Variants in TDRD7 observed in about 807,000 individuals in gnomAD.
TDRD7 encodes tudor domain containing 7.
TDRD7 carries 47 observed loss-of-function variants against 109.8 expected under a neutral mutation model. That is an observed-to-expected ratio of 0.43 (90% confidence interval 0.34 to 0.55). TDRD7 has a LOEUF of 0.55. Among genes scored for constraint, TDRD7 ranks in the 20% least tolerant of loss-of-function variants. The pLI is 0.03. For synonymous variants in TDRD7, 424 were observed against 457.3 expected (o/e 0.93, Z 0.93); for missense variants, 1,164 against 1,319.2 (o/e 0.88, Z 1.82).
At chr9:97,436,046 C>G (rs1828190705) in intron 4 of TDRD7, among the ~76,000 whole-genome samples, 1 of 152,052 alleles carries the variant, frequency 6.6e-6, no homozygotes, top group South Asian at 2.1e-4. Context: ...CTCAAGAGTT[C>G]CGGTTAAGAA....
At chr9:97,417,769 GTTAGCAACTTTACTATTGAAATA>G (rs1827834867) in intron 1 of TDRD7, among the ~76,000 whole-genome samples, 1 of 152,204 alleles carries the variant, frequency 6.6e-6, no homozygotes, top group East Asian at 1.9e-4. Flanking sequence ...ATGGCCAGGT[GTTAGCAACTTTACTATTGAAATA>G]TTTTAAAGTA....
intron 4 of TDRD7, 94 bp from the exon 5 acceptor site, chr9:97,439,151 C>T: frequency 1.2e-6 from 1 of 854,104 alleles, no homozygotes; most frequent in South Asian, 2.1e-5. Flanking sequence ...TGTTAAATGC[C>T]ACTGAGACTT....
intron 6 of TDRD7, among the ~76,000 whole-genome samples, chr9:97,459,383 T>G (rs1828670552): frequency 1.3e-5 from 2 of 152,248 alleles, no homozygotes; most frequent in Non-Finnish European, 2.9e-5. Flanking sequence ...AAAATCATTT[T>G]TTAGCCCATG....
At chr9:97,468,731 C>T (rs973874173) in intron 8 of TDRD7, among the ~76,000 whole-genome samples, 2 of 152,332 alleles carry the variant, frequency 1.3e-5, no homozygotes, top group Non-Finnish European at 2.9e-5. Flanking sequence ...AGGCCCACAT[C>T]CCAGGGGAGT....
Position 97,441,723 on chromosome 9 carries a change from G to T in TDRD7, c.703G>T (p.Asp235Tyr). ...KPPASYTYKM[D>Y]EVQNRIKEIL... ...TCCTGCCTCTTACACTTATAAAATG[G>T]ATGAGGTTCAAAATCGCATAAAGGA... Residue 235 changes from aspartate to tyrosine, a missense_variant, in exon 6 of 17, where the codon GAT (aspartate) becomes TAT (tyrosine). Transcript: ENST00000355295. 6.2e-7 allele frequency: 1 copy of T among 1,613,528 alleles called. No homozygotes were observed. Among genetic ancestry groups the T allele is most frequent in the Non-Finnish European group, 8.5e-7 (1 of 1,179,848 alleles).
chr9:97,494,618 TG>T (rs1157979113), intron 16 of TDRD7, among the ~76,000 whole-genome samples: 2 of 151,746 alleles, frequency 1.3e-5, no homozygotes, highest in Non-Finnish European at 2.9e-5. Context: ...TTAATTACTT[TG>T]GGGCATAATT....
At chr9:97,484,066 T>G (rs1227161606) in intron 15 of TDRD7, among the ~76,000 whole-genome samples, 4 of 152,190 alleles carry the variant, frequency 2.6e-5, no homozygotes, top group African/African-American at 9.7e-5. Context: ...ACGGGATAGA[T>G]TCCTAGAAGA....
At chr9:97,455,992 C>T (rs1356037595) in intron 6 of TDRD7, among the ~76,000 whole-genome samples, 2 of 152,092 alleles carry the variant, frequency 1.3e-5, no homozygotes, top group African/African-American at 2.4e-5. Flanking sequence ...GATACAAAAC[C>T]AACATGCAAA....
In TDRD7 at chr9:97,482,176, A is replaced by G. The variant is rs144763751; in HGVS notation, c.2413-673A>G. 9.6e-3 allele frequency among the ~76,000 whole-genome samples: 1,469 copies of G among 152,358 alleles called. 7 individuals are homozygous for G. Among genetic ancestry groups the G allele is most frequent in the Non-Finnish European group, 0.014 (982 of 68,034 alleles). The stretch of plus-strand genomic sequence containing the variant: ...GCCGAAAGAGCAAAGATGGTTAGGT[A>G]GTCAGAGGTCTCCTGGACAAAAAGT... On this transcript the variant is annotated intron_variant, in intron 14 of 16. Transcript: ENST00000355295.
At chr9:97,426,077 AC>A (rs1167134525) in intron 1 of TDRD7, among the ~76,000 whole-genome samples, 1 of 152,192 alleles carries the variant, frequency 6.6e-6, no homozygotes, top group East Asian at 1.9e-4. Context: ...AAAATGGCAT[AC>A]CTATATAGGT....
At chr9:97,481,413 T>A (rs571194656) in intron 14 of TDRD7, among the ~76,000 whole-genome samples, 13 of 152,366 alleles carry the variant, frequency 8.5e-5, no homozygotes, top group African/African-American at 2.6e-4. Context: ...CCATACTTAT[T>A]TCACTAGCTC....
chr9:97,491,966 C>G (rs139246094), intron 16 of TDRD7, among the ~76,000 whole-genome samples: 1 of 152,258 alleles, frequency 6.6e-6, no homozygotes, highest in Non-Finnish European at 1.5e-5. Context: ...GTTTTTAACT[C>G]TCAGACTTAT....
chr9:97,418,298 C>CT (rs1564191694), intron 1 of TDRD7, among the ~76,000 whole-genome samples: 2 of 152,236 alleles, frequency 1.3e-5, no homozygotes, highest in East Asian at 3.9e-4. Flanking sequence ...ATGAGCACTT[C>CT]TGTGCCGTGC....
intron 8 of TDRD7, among the ~76,000 whole-genome samples, chr9:97,466,809 C>G (rs895132005): frequency 6.6e-6 from 1 of 152,014 alleles, no homozygotes; most frequent in Admixed American, 6.6e-5. Context: ...GGGCTAATTG[C>G]AAAGGGCAAA....
At chr9:97,483,912 A>G (rs1156829381) in intron 15 of TDRD7, among the ~76,000 whole-genome samples, 1 of 152,166 alleles carries the variant, frequency 6.6e-6, no homozygotes, top group African/African-American at 2.4e-5. Context: ...GGCTATTTTA[A>G]TCATGATATA....
chr9:97,472,573 G>T (rs1828940405), intron 10 of TDRD7, 78 bp downstream of exon 10: 1 of 1,197,206 alleles, frequency 8.4e-7, no homozygotes, highest in Non-Finnish European at 1.2e-6. Flanking sequence ...TACATTTTAG[G>T]CTAACAATTG....
intron 6 of TDRD7, among the ~76,000 whole-genome samples, chr9:97,455,215 AGGTGGATTCACAGCT>A (rs1305566439): frequency 2.0e-5 from 3 of 152,226 alleles, no homozygotes; most frequent in African/African-American, 7.2e-5. Flanking sequence ...GCCCGGGCCC[AGGTGGATTCACAGCT>A]GAATTCTACC....
In TDRD7 at chr9:97,495,675, A is replaced by G; in HGVS notation, c.3089A>G (p.Asn1030Ser). The change falls in exon 17 of 17, where the codon AAC becomes AGC. Residue 1030 changes from asparagine (N) to serine (S), a missense_variant. By Grantham distance (46) the Asn-to-Ser change is conservative. This residue lies in a region of TDRD7 where 162 missense variants were observed against 222.5 expected (regional missense o/e 0.73). Transcript: ENST00000355295. The part of the protein sequence containing the change: ...VTAQLAGVKC[N>S]QWSEEASMVF... Reference sequence around the variant, plus strand: ...CTCTTCCTCCTAGGAGTGAAGTGCAACCAGTGGTCTGAGGAGGCTTCTATG... The same window carrying G: ...CTCTTCCTCCTAGGAGTGAAGTGCAGCCAGTGGTCTGAGGAGGCTTCTATG... The G allele has an allele frequency of 1.2e-6, 2 of 1,614,118 alleles. No homozygotes were observed. The highest frequency in any genetic ancestry group is 2.2e-5 in the South Asian group (2 of 91,080).
At chr9:97,445,984 T>C (rs191781905) in intron 6 of TDRD7, among the ~76,000 whole-genome samples, 4 of 152,072 alleles carry the variant, frequency 2.6e-5, no homozygotes, top group African/African-American at 7.2e-5. Flanking sequence ...TTAAAAAAAT[T>C]AGCTGGGCAT....
Sources: allele counts gnomAD v4.1 joint callset (sites outside exome capture counted in the v4.1 genomes callset), GRCh38; gene constraint gnomAD v4.1.1; regional missense constraint gnomAD v4.1.1; transcripts MANE v1.5; gene names NCBI Gene and HGNC (gene_info 2026-07-23, HGNC 2026-07-21).